TXLNG: variants seen among roughly 807,000 people sequenced by gnomAD.
TXLNG encodes taxilin gamma, also known as gamma-taxilin.
In TXLNG, 5 loss-of-function variants were observed where a neutral mutation model predicts 38.8. The observed-to-expected ratio is 0.13, with a 90% CI of 0.07 to 0.27. The LOEUF (loss-of-function observed/expected upper bound fraction) is 0.27, where lower values mean the gene tolerates loss of function less well. Ranked by LOEUF, TXLNG falls within the 10% of genes least tolerant of loss-of-function variation. The pLI, the probability that TXLNG is intolerant of heterozygous loss-of-function variation, is 1.00. For synonymous variants in TXLNG, 182 were observed against 158.2 expected, an observed-to-expected ratio of 1.15 and a Z score of -1.13; for missense variants, 393 against 398.2, an observed-to-expected ratio of 0.99 and a Z score of 0.11.
chrX:16,822,641 C>A (rs1417423805), intron 3 of TXLNG, among the ~76,000 whole-genome samples: 1 of 111,356 alleles, frequency 9.0e-6, no homozygotes, highest in Admixed American at 9.5e-5. Flanking sequence ...AAGACAAGAA[C>A]AGAAAAGGGA....
chrX:16,836,751 T>A (rs192407500), intron 7 of TXLNG, among the ~76,000 whole-genome samples: 2 of 112,522 alleles, frequency 1.8e-5, no homozygotes, highest in Admixed American at 9.4e-5. Flanking sequence ...TTCTCTGCTT[T>A]TCTTATATCT....
In TXLNG at chrX:16,829,588, C is replaced by G; in HGVS notation, c.682C>G (p.Gln228Glu). ...TTTGGGTAATAAGGAGGAAAATATG[C>G]AGCAGGCACGAGAGGAAGAAGAACG... ...HNKTLKEENM[Q>E]QAREEEERRK... Residue 228 changes from glutamine (Q) to glutamate (E), a missense_variant, in exon 5 of 10, where the codon CAG becomes GAG. Gln to Glu is a conservative substitution (Grantham distance 29). Transcript: ENST00000380122. 8.3e-7 allele frequency: 1 copy of G among 1,209,950 alleles called. No homozygotes were observed. The highest frequency in any genetic ancestry group is 1.1e-6 in the Non-Finnish European group (1 of 894,597).
intron 9 of TXLNG, 26 bp downstream of exon 9, chrX:16,839,942 T>C: frequency 9.1e-7 from 1 of 1,101,520 alleles, no homozygotes; most frequent in East Asian, 3.1e-5. Context: ...GCGACTAAGG[T>C]GTAGTCTTAG....
rs1176675840 is a variant in TXLNG at position 16,832,393 on chromosome X, A to G, written c.865-230A>G. 2.7e-5 allele frequency among the ~76,000 whole-genome samples: 3 copies of G among 112,395 alleles called. No individual in the cohort carries two copies. The Admixed American group carries it at 2.8e-4, about 11-fold the overall frequency. The stretch of plus-strand genomic sequence containing the variant: ...TGTCTGACAGGGTGGGGGAACAGGC[A>G]ACAGTCAAAGGGCCACGCTTCTGCC... On this transcript the variant is annotated intron_variant, in intron 5 of 9. Transcript: ENST00000380122.
intron 1 of TXLNG, among the ~76,000 whole-genome samples, chrX:16,804,140 T>A (rs760538982): frequency 2.8e-4 from 31 of 112,204 alleles, no homozygotes; most frequent in Non-Finnish European, 5.6e-4. Context: ...GTAGGAAAAT[T>A]GTATCCATAT....
intron 5 of TXLNG, among the ~76,000 whole-genome samples, 168 bp from the exon 6 acceptor site, chrX:16,832,455 G>A (rs758078695): frequency 4.5e-5 from 5 of 111,730 alleles, no homozygotes; most frequent in East Asian, 2.8e-4. Flanking sequence ...TCAAATTGCC[G>A]CTTCTCTCAG....
chrX:16,787,138 C>T (rs1330270401), intron 1 of TXLNG, among the ~76,000 whole-genome samples: 3 of 112,296 alleles, frequency 2.7e-5, no homozygotes, highest in African/African-American at 6.4e-5. Flanking sequence ...CCCCTTCCCC[C>T]GCCCCCCTGC....
Position 16,805,838 on chromosome X carries a change from A to T in TXLNG, c.103-12736A>T, listed in dbSNP as rs555243087. Reference sequence around the variant, plus strand: ...GCATATTGTAGAGACATGTATACCAAAATCTAATTATATAATAGTGCACAG... The same window carrying T: ...GCATATTGTAGAGACATGTATACCATAATCTAATTATATAATAGTGCACAG... On this transcript the variant is annotated intron_variant, in intron 1 of 9. Transcript: ENST00000380122. Among the ~76,000 whole-genome samples the T allele has an allele frequency of 2.4e-4, 27 of 112,774 alleles. 1 individual carries two copies. The South Asian group carries it at 9.4e-3, about 39-fold the overall frequency.
At position 16,834,291 on chromosome X, in the gene TXLNG, A is replaced by G. The variant is rs753105381; in HGVS notation, c.993A>G (p.Lys331=). ...KHQREREFLL[K]EATESRHKYE... ...ATGTTTCTGTTTTCTAGTTATTAAA[A>G]GAAGCGACAGAATCGAGGCACAAAT... The change falls in exon 7 of 10, where the codon AAA becomes AAG. Residue 331 remains lysine (K), a synonymous_variant. Transcript: ENST00000380122. 4 of 1,207,059 alleles carry G rather than the reference A, an allele frequency of 3.3e-6. No homozygotes were observed. Among genetic ancestry groups the G allele is most frequent in the Non-Finnish European group, 4.5e-6 (4 of 893,269 alleles).
At chrX:16,815,315 A>G (rs1289518239) in intron 1 of TXLNG, among the ~76,000 whole-genome samples, 2 of 109,639 alleles carry the variant, frequency 1.8e-5, no homozygotes, top group East Asian at 5.7e-4. Flanking sequence ...AGCTGGGATT[A>G]CAGGAATGCA....
intron 1 of TXLNG, among the ~76,000 whole-genome samples, chrX:16,812,370 G>GT (rs994241573): frequency 2.0e-5 from 2 of 101,622 alleles, no homozygotes; most frequent in African/African-American, 3.6e-5. Flanking sequence ...TCCTTATGAT[G>GT]TTTTGAAATA....
chrX:16,829,978 T>G (rs1178633872), intron 5 of TXLNG, among the ~76,000 whole-genome samples: 1 of 111,475 alleles, frequency 9.0e-6, no homozygotes, highest in Non-Finnish European at 1.9e-5. Context: ...TTATTTGAGG[T>G]TATTTCTAGG....
At chrX:16,791,681 G>A (rs1052231577) in intron 1 of TXLNG, among the ~76,000 whole-genome samples, 4 of 111,822 alleles carry the variant, frequency 3.6e-5, no homozygotes, top group African/African-American at 6.5e-5. Flanking sequence ...CACTTTCCGG[G>A]TTCAAGTGAT....
chrX:16,836,807 C>G (rs1929610273), intron 7 of TXLNG, among the ~76,000 whole-genome samples: 1 of 112,145 alleles, frequency 8.9e-6, no homozygotes, highest in South Asian at 3.7e-4. Context: ...GGGTCTCTCT[C>G]TGTTCCCCTA....
chrX:16,841,022 C>T lies in TXLNG; in HGVS notation c.1249-406C>T, dbSNP rs556724722. On this transcript the variant is annotated intron_variant, in intron 9 of 9. Coordinates refer to ENST00000380122, the MANE Select transcript of TXLNG (RefSeq NM_018360.3). Reference sequence around the variant, plus strand: ...CCATCCTGGCCAACATGGTGAAACTCCATCTCTACTAAAAATACAAAAATT... The same window carrying T: ...CCATCCTGGCCAACATGGTGAAACTTCATCTCTACTAAAAATACAAAAATT... Among the ~76,000 whole-genome samples the T allele has an allele frequency of 7.2e-5, 8 of 110,647 alleles. No individual in the cohort carries two copies. In the South Asian group the frequency reaches 3.1e-3, roughly 42 times the overall value.
chrX:16,818,593 A>C lies in TXLNG; in HGVS notation c.122A>C (p.Glu41Ala). ...TTCTAGTTTGAAATTGGCACAATGG[A>C]AGAAGCTGGAATTTGTGGGCTAGGG... Reference protein sequence around the residue: ...PRQKFEIGTMEEAGICGLGVK... With the variant: ...PRQKFEIGTMAEAGICGLGVK... Residue 41 changes from glutamate (E) to alanine (A), a missense_variant, in exon 2 of 10, where the codon GAA becomes GCA. Physicochemically the swap from Glu to Ala is moderately radical, Grantham distance 107. Coordinates refer to ENST00000380122, the MANE Select transcript of TXLNG (RefSeq NM_018360.3). 5 of 1,208,338 alleles carry C rather than the reference A, an allele frequency of 4.1e-6. No homozygotes were observed. The highest frequency in any genetic ancestry group is 5.6e-6 in the Non-Finnish European group (5 of 893,547).
In TXLNG at chrX:16,843,962, C is replaced by T. The variant is rs1929980716; in HGVS notation, c.*2196C>T. The T allele has an allele frequency of 9.0e-6, 1 of 111,627 alleles. No homozygotes were observed. The highest frequency in any genetic ancestry group is 3.3e-5 in the African/African-American group (1 of 30,651). The allele number at this position is 111,627 out of a possible 1,213,427, so 9.2% of individuals were successfully genotyped here. A position where few individuals can be genotyped will look rare whatever the true frequency, so the allele number is the denominator to read the frequency against. On this transcript the variant is annotated 3_prime_UTR_variant, in exon 10 of 10. Transcript: ENST00000380122. ...TCACCTCACCAGCCCAGTGTTGTGG[C>T]TTTGTAGCGCACCCCGTATCTACCA...
At chrX:16,828,792 T>C (rs754915506) in intron 4 of TXLNG, among the ~76,000 whole-genome samples, 9 of 112,025 alleles carry the variant, frequency 8.0e-5, no homozygotes, top group Non-Finnish European at 1.1e-4. Context: ...CAAAGATTCA[T>C]TGATATCAAC....
rs774258217 is a variant in TXLNG, at chrX:16,808,683, C to T, written c.103-9891C>T. ...GGTATTTTGCTTTTTCCCTTATTAACGTGTCCTTACCAGTAATTATATAAC... is the reference window on the plus strand; with the variant it reads ...GGTATTTTGCTTTTTCCCTTATTAATGTGTCCTTACCAGTAATTATATAAC... On this transcript the variant is annotated intron_variant, in intron 1 of 9. Transcript: ENST00000380122. 5.4e-5 allele frequency among the ~76,000 whole-genome samples: 6 copies of T among 111,602 alleles called. No individual in the cohort carries two copies. The East Asian group carries it at 1.7e-3, about 31-fold the overall frequency.
Sources: allele counts gnomAD v4.1 joint callset (sites outside exome capture counted in the v4.1 genomes callset), GRCh38; gene constraint gnomAD v4.1.1; transcripts MANE v1.5; gene names NCBI Gene and HGNC (gene_info 2026-07-23, HGNC 2026-07-21).